DPP6: variants seen among roughly 807,000 people sequenced by gnomAD.
The protein encoded by DPP6 is A-type potassium channel modulatory protein DPP6.
In DPP6, 69 loss-of-function variants were observed where a neutral mutation model predicts 122.6. That is an observed-to-expected ratio of 0.56 (90% CI 0.46 to 0.69). The LOEUF is 0.69. DPP6 is among the 30% of genes least tolerant of loss of function. The probability of loss-of-function intolerance (pLI) is 0.00; values close to 1 mark genes in which losing one functional copy is unlikely to be tolerated. For missense variants in DPP6, 928 were observed against 1,116.9 expected, an observed-to-expected ratio of 0.83 and a Z score of 2.41; for synonymous variants, 418 against 433.1, an observed-to-expected ratio of 0.97 and a Z score of 0.43.
chr7:154,347,019 C>A (rs955072804), intron 1 of DPP6, among the ~76,000 whole-genome samples: 13 of 152,134 alleles, frequency 8.5e-5, no homozygotes, highest in Non-Finnish European at 1.9e-4. Flanking sequence ...CTACTGAAAT[C>A]AGTAGGTATC....
At chr7:153,786,391 A>G in the DPP6 span, among the ~76,000 whole-genome samples, 1 of 151,352 alleles carries the variant, frequency 6.6e-6, no homozygotes, top group African/African-American at 2.4e-5. Context: ...TTCAGGTGAC[A>G]AGAACACTAT....
rs1469323406 is a variant in DPP6 at position 154,821,643 on chromosome 7, TATACAC to T, written c.1666+14535_1666+14540del. Among the ~76,000 whole-genome samples, 333 of 86,438 alleles carry T rather than the reference TATACAC, an allele frequency of 3.9e-3. 4 individuals are homozygous for T. Among genetic ancestry groups the T allele is most frequent in the African/African-American group, 0.022 (322 of 14,452 alleles). 56.7% of individuals were successfully genotyped at this position (86,438 alleles called of 152,430 possible). The stretch of plus-strand genomic sequence containing the variant: ...TTTTTTTTCTGTATATATATATATA[TATACAC>T]ATATATATATATATACACATATATA... On this transcript the variant is annotated intron_variant, in intron 16 of 25. Transcript: ENST00000377770. The surrounding 1 kb of genome is among the most constrained non-coding windows in gnomAD (Gnocchi z 4.2).
At chr7:154,070,038 C>T (rs2150506755) in intron 1 of DPP6, among the ~76,000 whole-genome samples, 1 of 151,704 alleles carries the variant, frequency 6.6e-6, no homozygotes, top group South Asian at 2.1e-4. Context: ...GGCAATAGAG[C>T]GAGACTCCGT....
intron 1 of DPP6, among the ~76,000 whole-genome samples, chr7:154,343,531 G>A (rs1004778414): frequency 6.6e-6 from 1 of 152,224 alleles, no homozygotes; most frequent in Admixed American, 6.5e-5. Context: ...CCTGTCCCCT[G>A]CAGGGAAGAG....
chr7:154,805,291 C>T (rs1241931709), intron 15 of DPP6, among the ~76,000 whole-genome samples: 1 of 152,156 alleles, frequency 6.6e-6, no homozygotes, highest in African/African-American at 2.4e-5. Context: ...ATTCTGCCCC[C>T]CCTGCCCCAC....
intron 17 of DPP6, among the ~76,000 whole-genome samples, chr7:154,866,656 A>G (rs561644184): frequency 6.6e-6 from 1 of 152,232 alleles, no homozygotes; most frequent in South Asian, 2.1e-4. Flanking sequence ...AACCTTTCCC[A>G]GTGGTGGTCT....
the DPP6 span, among the ~76,000 whole-genome samples, chr7:153,828,984 G>T: frequency 2.0e-5 from 3 of 152,072 alleles, no homozygotes; most frequent in Non-Finnish European, 4.4e-5. Flanking sequence ...ATTTTTTTGG[G>T]TTTCTTTCCA....
rs74495057 is a variant in DPP6, at chr7:154,478,950, TTTTG to T, written c.457+3933_457+3936del. On this transcript the variant is annotated intron_variant, in intron 3 of 25. Transcript: ENST00000377770. ...ACAGAGGAAGAGACTTGATTTTGTT[TTTTG>T]TTTGTTTGTTTGTTTGTTTTTTAGT... 1.7e-3 allele frequency among the ~76,000 whole-genome samples: 262 copies of T among 150,722 alleles called. 2 individuals carry two copies. Among genetic ancestry groups the T allele is most frequent in the South Asian group, 1.9e-3 (9 of 4,802 alleles).
chr7:153,956,444 C>T (rs1049613701), intron 1 of DPP6, among the ~76,000 whole-genome samples: 1 of 152,164 alleles, frequency 6.6e-6, no homozygotes, highest in Non-Finnish European at 1.5e-5. Context: ...GATAGCATCT[C>T]GGCTTACAGA....
At chr7:154,655,923 G>A (rs1424389591) in intron 6 of DPP6, among the ~76,000 whole-genome samples, 1 of 152,122 alleles carries the variant, frequency 6.6e-6, no homozygotes, top group Non-Finnish European at 1.5e-5. Context: ...TTTGGGCCTT[G>A]GTGGAACTGG....
chr7:154,215,307 C>T lies in DPP6; in HGVS notation c.243+162244C>T, dbSNP rs79496696. The stretch of plus-strand genomic sequence containing the variant: ...AGAACAGCATATGGGAAACCTCCCC[C>T]GTAATACAGTCACCTCCCACCAGGT... On this transcript the variant is annotated intron_variant, in intron 1 of 25. Transcript: ENST00000377770. Among the ~76,000 whole-genome samples, 414 of 152,184 alleles carry T rather than the reference C, an allele frequency of 2.7e-3. 2 individuals carry two copies. Among genetic ancestry groups the T allele is most frequent in the African/African-American group, 9.5e-3 (393 of 41,524 alleles).
At chr7:154,640,238 G>A (rs1835984884) in intron 6 of DPP6, among the ~76,000 whole-genome samples, 1 of 137,088 alleles carries the variant, frequency 7.3e-6, no homozygotes, top group African/African-American at 2.7e-5. Flanking sequence ...AGGTGACAGA[G>A]TGAGACTCTG....
chr7:154,194,185 C>A (rs972239730), intron 1 of DPP6, among the ~76,000 whole-genome samples: 5 of 152,094 alleles, frequency 3.3e-5, no homozygotes, highest in Admixed American at 2.6e-4. Context: ...GTTGGTATAG[C>A]TTGAAAAAGC....
At chr7:154,101,885 G>T (rs78658198) in intron 1 of DPP6, among the ~76,000 whole-genome samples, 13,464 of 134,712 alleles carry the variant, frequency 0.1, 680 homozygotes, top group Middle Eastern at 0.2. Context: ...CCGAGATGGC[G>T]CCATTGCACT....
chr7:153,837,537 A>G, the DPP6 span, among the ~76,000 whole-genome samples: 1 of 152,210 alleles, frequency 6.6e-6, no homozygotes, highest in Non-Finnish European at 1.5e-5. Context: ...CCTTTCCAGG[A>G]AACCTGTTAA....
At chr7:153,795,857 G>A in the DPP6 span, among the ~76,000 whole-genome samples, 59,284 of 141,700 alleles carry the variant, frequency 0.42, 12,817 homozygotes, top group South Asian at 0.51. Flanking sequence ...TGCATTTTTT[G>A]TTTCTTCTTT....
intron 1 of DPP6, among the ~76,000 whole-genome samples, chr7:154,207,981 G>A (rs1799540060): frequency 6.6e-6 from 1 of 151,802 alleles, no homozygotes; most frequent in African/African-American, 2.4e-5. Flanking sequence ...AAGAATATGT[G>A]TATTCCCGTT....
intron 7 of DPP6, among the ~76,000 whole-genome samples, chr7:154,691,136 G>C (rs1839908639): frequency 6.6e-6 from 1 of 152,184 alleles, no homozygotes; most frequent in African/African-American, 2.4e-5. Context: ...TACGGGGAAG[G>C]CTTCCATGTC....
chr7:154,181,688 G>T (rs1014587140), intron 1 of DPP6, among the ~76,000 whole-genome samples: 1 of 149,136 alleles, frequency 6.7e-6, no homozygotes, highest in Non-Finnish European at 1.5e-5. Context: ...TGTTTAATTT[G>T]TTTCTTTTGC....
Sources: allele counts gnomAD v4.1 joint callset (sites outside exome capture counted in the v4.1 genomes callset), GRCh38; gene constraint gnomAD v4.1.1; non-coding constraint Gnocchi (gnomAD v3.1); transcripts MANE v1.5; gene names NCBI Gene and HGNC (gene_info 2026-07-23, HGNC 2026-07-21).